Variants in AFF3 observed in about 807,000 individuals in gnomAD.
AFF3 encodes ALF transcription elongation factor 3, also known as AF4/FMR2 family member 3.
In AFF3, 32 loss-of-function variants were observed where a neutral mutation model predicts 129.7. The ratio of observed to expected loss-of-function variants is 0.25; its 90% CI spans 0.19 to 0.33. AFF3 has a LOEUF of 0.33. Among genes scored for constraint, AFF3 ranks in the 10% least tolerant of loss-of-function variants. AFF3 has a pLI of 1.00. For missense variants in AFF3, 1,373 were observed against 1,592.0 expected (o/e 0.86, Z 2.34); for synonymous variants, 644 against 635.4 (o/e 1.01, Z -0.20).
chr2:99,672,469 G>A (rs4851222), intron 12 of AFF3, 69 bp downstream of exon 12: 757,250 of 1,512,342 alleles, frequency 0.5, 193,313 homozygotes, highest in African/African-American at 0.7. Context: ...GTTAACACCC[G>A]GCACAGTCCA....
chr2:99,921,982 G>A (rs1006345057), intron 7 of AFF3, among the ~76,000 whole-genome samples: 2 of 152,032 alleles, frequency 1.3e-5, no homozygotes, highest in African/African-American at 4.8e-5. Flanking sequence ...TTCCTATGTA[G>A]GAAATACAAA....
intron 20 of AFF3, 21 bp from the exon 21 acceptor site, chr2:99,560,457 G>A (rs1259485817): frequency 6.2e-7 from 1 of 1,603,344 alleles, no homozygotes; most frequent in Admixed American, 1.7e-5. Flanking sequence ...GCGGGGAGGA[G>A]GAATAGAATA....
rs188905653 is a variant in AFF3, at chr2:99,985,753, G to C, written c.873+20879C>G. On this transcript the variant is annotated intron_variant, in intron 7 of 24. Transcript: ENST00000672756. ...TGGGTGGGTAGGGCCATCACAAGGA[G>C]GGGGCACAGGAGAGCTTCTTCAGGT... 1.8e-3 allele frequency among the ~76,000 whole-genome samples: 267 copies of C among 152,300 alleles called. 2 individuals carry two copies. Among genetic ancestry groups the C allele is most frequent in the African/African-American group, 6.1e-3 (255 of 41,574 alleles).
intron 8 of AFF3, among the ~76,000 whole-genome samples, chr2:99,786,499 AT>A (rs759749737): frequency 3.3e-5 from 5 of 152,228 alleles, no homozygotes; most frequent in African/African-American, 9.6e-5. Context: ...AAAAATCAAG[AT>A]TTTCCACCTT....
At chr2:99,600,701 T>G (rs1679746693) in intron 14 of AFF3, among the ~76,000 whole-genome samples, 1 of 152,246 alleles carries the variant, frequency 6.6e-6, no homozygotes, top group Admixed American at 6.5e-5. Context: ...CTTAGAGCTC[T>G]GCAGCCTGGG....
chr2:99,969,758 C>T (rs1415681816), intron 7 of AFF3, among the ~76,000 whole-genome samples: 1 of 152,108 alleles, frequency 6.6e-6, no homozygotes, highest in East Asian at 1.9e-4. Flanking sequence ...CCGCCTTGGC[C>T]TCCTGAAGTG....
At chr2:99,711,394 A>G (rs888061024) in intron 11 of AFF3, among the ~76,000 whole-genome samples, 1 of 152,174 alleles carries the variant, frequency 6.6e-6, no homozygotes, top group Non-Finnish European at 1.5e-5. Flanking sequence ...TATGAGGATT[A>G]AATGAGACAA....
chr2:99,772,203 A>T (rs1279755068), intron 8 of AFF3, among the ~76,000 whole-genome samples: 3 of 152,096 alleles, frequency 2.0e-5, no homozygotes, highest in Non-Finnish European at 2.9e-5. Flanking sequence ...AGTGACGATG[A>T]GCCCCGGGCG....
At chr2:99,862,364 T>C (rs1319541037) in intron 7 of AFF3, among the ~76,000 whole-genome samples, 2 of 152,160 alleles carry the variant, frequency 1.3e-5, no homozygotes, top group African/African-American at 4.8e-5. Flanking sequence ...TTCTACTTAC[T>C]GGGGCCAAAA....
chr2:100,000,512 G>GCACA lies in AFF3; in HGVS notation c.873+6116_873+6119dup, dbSNP rs67954752. Among the ~76,000 whole-genome samples the GCACA allele has an allele frequency of 6.2e-3, 918 of 148,864 alleles. 1 individual carries two copies. Among genetic ancestry groups the GCACA allele is most frequent in the African/African-American group, 8.5e-3 (340 of 40,044 alleles). ...AATTTCATCTCTCTCTAGCACGCGC[G>GCACA]CACACACACACACACACACATACAC... On this transcript the variant is annotated intron_variant, in intron 7 of 24. Coordinates refer to ENST00000672756, the MANE Select transcript of AFF3 (RefSeq NM_001386135.1).
chr2:99,594,278 T>C lies in AFF3; in HGVS notation c.1383A>G (p.Ala461=), dbSNP rs568573514. The stretch of plus-strand genomic sequence containing the variant: ...TATCCAGCTGCCACTTGTTAGAGGA[T>C]GCCGGTTCAGCCTGAAAGCAGAAAA... ...PHFSSPEAEP[A]SSNKWQLDKW... is the part of the protein sequence containing the mutation. Residue 461 remains alanine (A), a synonymous_variant, in exon 15 of 25, where the codon GCA becomes GCG. Transcript: ENST00000672756. 6.2e-7 allele frequency: 1 copy of C among 1,607,120 alleles called. No homozygotes were observed. The highest frequency in any genetic ancestry group is 1.1e-5 in the South Asian group (1 of 90,440).
intron 4 of AFF3, among the ~76,000 whole-genome samples, chr2:100,040,135 C>T (rs1241254437): frequency 6.6e-6 from 1 of 152,152 alleles, no homozygotes; most frequent in Admixed American, 6.5e-5. Flanking sequence ...ACCTTTGCCC[C>T]CTTTTCACGA....
chr2:99,562,943 G>T (rs1675605180), intron 20 of AFF3, among the ~76,000 whole-genome samples: 1 of 152,098 alleles, frequency 6.6e-6, no homozygotes, highest in Non-Finnish European at 1.5e-5. Flanking sequence ...AGAGTGGAAG[G>T]GTGGGAGGAG....
intron 4 of AFF3, among the ~76,000 whole-genome samples, chr2:100,044,057 C>A (rs1038786499): frequency 6.6e-6 from 1 of 152,198 alleles, no homozygotes; most frequent in Non-Finnish European, 1.5e-5. Flanking sequence ...GAGCTCACCG[C>A]GGCAGTTTCC....
chr2:99,562,654 C>T (rs549218312), intron 20 of AFF3, among the ~76,000 whole-genome samples: 5 of 152,286 alleles, frequency 3.3e-5, no homozygotes, highest in South Asian at 4.1e-4. Flanking sequence ...GTCTTCTGAT[C>T]ATCTTTTTTC....
intron 4 of AFF3, among the ~76,000 whole-genome samples, chr2:100,029,754 G>A (rs753547670): frequency 6.6e-5 from 10 of 152,160 alleles, no homozygotes; most frequent in South Asian, 2.1e-4. Context: ...TGTGCTTAAC[G>A]CTACTGAACT....
chr2:99,597,309 G>A (rs1264484497), intron 14 of AFF3, among the ~76,000 whole-genome samples: 1 of 152,180 alleles, frequency 6.6e-6, no homozygotes, highest in Non-Finnish European at 1.5e-5. Context: ...CTGAATTTTG[G>A]AGAAAACACC....
chr2:99,751,904 A>G (rs34776837), intron 9 of AFF3, among the ~76,000 whole-genome samples: 4 of 152,252 alleles, frequency 2.6e-5, no homozygotes, highest in Admixed American at 6.5e-5. Context: ...AATCCAGGAC[A>G]TACAATTTTA....
At chr2:100,024,733 T>A (rs1476394141) in intron 4 of AFF3, among the ~76,000 whole-genome samples, 1 of 152,116 alleles carries the variant, frequency 6.6e-6, no homozygotes, top group African/African-American at 2.4e-5. Flanking sequence ...CTGTAGACAT[T>A]GCACTGGATG....
Sources: gnomAD v4.1 joint callset for allele counts (sites outside exome capture counted in the v4.1 genomes callset) on GRCh38, gnomAD v4.1.1 for gene constraint, MANE v1.5 for transcripts, NCBI Gene and HGNC (gene_info 2026-07-23, HGNC 2026-07-21) for gene names.